Variants in AFAP1 observed in about 807,000 individuals in gnomAD.
AFAP1 encodes the protein actin filament-associated protein 1.
In AFAP1, 75 loss-of-function variants were observed where a neutral mutation model predicts 93.9. The ratio of observed to expected loss-of-function variants is 0.80; its 90% CI spans 0.66 to 0.97. The LOEUF is 0.97. AFAP1 is among the 50% of genes least tolerant of loss of function. The pLI is 0.00. For synonymous variants in AFAP1, 517 were observed against 430.7 expected (o/e 1.20, Z -2.48); for missense variants, 1,201 against 1,050.8 (o/e 1.14, Z -1.98).
At chr4:7,914,625 G>A (rs568017502) in intron 1 of AFAP1, among the ~76,000 whole-genome samples, 4 of 152,000 alleles carry the variant, frequency 2.6e-5, no homozygotes, top group South Asian at 4.2e-4. Flanking sequence ...ATGCCCCTCC[G>A]ACACTGATTT....
chr4:7,794,970 ATGT>A (rs59336192), intron 10 of AFAP1, among the ~76,000 whole-genome samples: 16,416 of 152,208 alleles, frequency 0.11, 1,361 homozygotes, highest in East Asian at 0.48. Context: ...AGTTAACTGA[ATGT>A]TGAAGAAAAA....
intron 1 of AFAP1, among the ~76,000 whole-genome samples, chr4:7,927,424 T>A (rs912166727): frequency 3.3e-5 from 5 of 152,224 alleles, no homozygotes; most frequent in Non-Finnish European, 4.4e-5. Context: ...ATAGAGCTGC[T>A]CTAAAAATTA....
At chr4:7,801,390 A>G (rs1203216648) in intron 9 of AFAP1, among the ~76,000 whole-genome samples, 1 of 151,738 alleles carries the variant, frequency 6.6e-6, no homozygotes, top group African/African-American at 2.4e-5. Flanking sequence ...TATATCACAG[A>G]TAGAGGAGTG....
At position 7,800,736 on chromosome 4, in the gene AFAP1, C is replaced by G. The variant is rs1718948500; in HGVS notation, c.1055-83G>C. 4 of 1,349,402 alleles carry G rather than the reference C, an allele frequency of 3.0e-6. No individual in the cohort carries two copies. The African/African-American group carries it at 5.8e-5, about 19-fold the overall frequency. The allele number at this position is 1,349,402 out of a possible 1,614,324, so 83.6% of individuals were successfully genotyped here. On this transcript the variant is annotated intron_variant, in intron 9 of 17. Coordinates refer to ENST00000420658, the MANE Select transcript of AFAP1 (RefSeq NM_001134647.2). ...ACGTCTAGGGTCACACTGAGGAGGC[C>G]CAGGGATGGGAGTGTGGATAAAACA...
intron 9 of AFAP1, among the ~76,000 whole-genome samples, chr4:7,800,988 G>A (rs1335379436): frequency 6.6e-6 from 1 of 152,164 alleles, no homozygotes; most frequent in South Asian, 2.1e-4. Context: ...ATCAGGTTTC[G>A]GATGGCCAGG....
At chr4:7,773,609 T>G (rs1000041405) in intron 15 of AFAP1, 8 of 152,674 alleles carry the variant, frequency 5.2e-5, no homozygotes, top group Admixed American at 4.6e-4. Context: ...AGGTTCTCTT[T>G]TTCAAAGCCA....
intron 14 of AFAP1, 72 bp from the exon 15 acceptor site, chr4:7,774,975 C>G: frequency 5.2e-6 from 8 of 1,545,786 alleles, no homozygotes; most frequent in South Asian, 3.7e-5. Flanking sequence ...GATCCCTTCT[C>G]CACAAAAAAT....
At chr4:7,894,165 C>T (rs1251270419) in intron 1 of AFAP1, among the ~76,000 whole-genome samples, 3 of 152,192 alleles carry the variant, frequency 2.0e-5, no homozygotes, top group Admixed American at 6.5e-5. Context: ...CCATCCACAG[C>T]AGGGGAGACT....
chr4:7,797,940 G>A (rs192507532), intron 10 of AFAP1, among the ~76,000 whole-genome samples: 119 of 152,084 alleles, frequency 7.8e-4, no homozygotes, highest in Non-Finnish European at 1.5e-3. Flanking sequence ...GCAAGCATGC[G>A]GAATGTTGGT....
intron 1 of AFAP1, among the ~76,000 whole-genome samples, chr4:7,918,276 G>A (rs926604136): frequency 1.3e-5 from 2 of 148,898 alleles, no homozygotes; most frequent in African/African-American, 5.0e-5. Flanking sequence ...TGAGACATTC[G>A]GCCCAGGTCA....
Position 7,935,670 on chromosome 4 carries a change from T to C in AFAP1, c.-3+3986A>G, listed in dbSNP as rs1183070036. On this transcript the variant is annotated intron_variant, in intron 1 of 17. Transcript: ENST00000420658. ...AAAGAGAAGTCGCATCAGTCCTTACTATGAAACACTCCTAGCAGCCACAGC... is the reference window on the plus strand; with the variant it reads ...AAAGAGAAGTCGCATCAGTCCTTACCATGAAACACTCCTAGCAGCCACAGC... Among the ~76,000 whole-genome samples the C allele has an allele frequency of 2.0e-5, 3 of 152,184 alleles. No individual in the cohort carries two copies. The East Asian group carries it at 5.8e-4, about 29-fold the overall frequency.
intron 1 of AFAP1, among the ~76,000 whole-genome samples, chr4:7,935,897 G>C (rs1196722762): frequency 6.6e-6 from 1 of 152,146 alleles, no homozygotes; most frequent in Non-Finnish European, 1.5e-5. Flanking sequence ...CAAGCCTGCT[G>C]TAAATGAAAA....
intron 1 of AFAP1, among the ~76,000 whole-genome samples, chr4:7,895,021 T>C (rs1289263094): frequency 6.6e-6 from 1 of 152,218 alleles, no homozygotes; most frequent in Non-Finnish European, 1.5e-5. Flanking sequence ...CATATGTCAG[T>C]GTGCTAATGG....
At chr4:7,906,463 C>A (rs147828391) in intron 1 of AFAP1, among the ~76,000 whole-genome samples, 246 of 152,272 alleles carry the variant, frequency 1.6e-3, no homozygotes, top group African/African-American at 5.5e-3. Context: ...TTTCCACCCC[C>A]CTATTCCGGA....
chr4:7,808,894 G>A (rs1166700954), intron 9 of AFAP1, among the ~76,000 whole-genome samples: 5 of 152,124 alleles, frequency 3.3e-5, no homozygotes, highest in African/African-American at 1.2e-4. Context: ...AAAGCTTCCT[G>A]AGGCCTCATC....
rs74840998 is a variant in AFAP1 at position 7,905,428 on chromosome 4, G to A, written c.-2-33348C>T. ...GAAAGGTCTAATAAAACCACAAAAGGATAATACATTCATACAACAACAAAT... is the reference window on the plus strand; with the variant it reads ...GAAAGGTCTAATAAAACCACAAAAGAATAATACATTCATACAACAACAAAT... On this transcript the variant is annotated intron_variant, in intron 1 of 17. Coordinates refer to ENST00000420658, the MANE Select transcript of AFAP1 (RefSeq NM_001134647.2). Among the ~76,000 whole-genome samples the A allele has an allele frequency of 3.1e-3, 471 of 152,298 alleles. 3 individuals carry two copies. The highest frequency in any genetic ancestry group is 4.7e-3 in the Non-Finnish European group (318 of 68,014).
rs114196247 is a variant in AFAP1 at position 7,856,877 on chromosome 4, A to G, written c.226-1303T>C. ...TGCTAGACACTTCTGCACTTGCCAC[A>G]TGAACGTCAATCAATCCATGCAGGA... On this transcript the variant is annotated intron_variant, in intron 3 of 17. Coordinates refer to ENST00000420658, the MANE Select transcript of AFAP1 (RefSeq NM_001134647.2). 5.8e-3 allele frequency among the ~76,000 whole-genome samples: 887 copies of G among 152,334 alleles called. 6 individuals carry two copies. Among genetic ancestry groups the G allele is most frequent in the African/African-American group, 0.019 (777 of 41,568 alleles).
chr4:7,899,924 G>C (rs1354491048), intron 1 of AFAP1, among the ~76,000 whole-genome samples: 3 of 148,708 alleles, frequency 2.0e-5, no homozygotes, highest in Non-Finnish European at 4.5e-5. Flanking sequence ...TGAATGAGAA[G>C]TGTATCAGTG....
chr4:7,893,306 T>C (rs984179054), intron 1 of AFAP1, among the ~76,000 whole-genome samples: 3 of 152,260 alleles, frequency 2.0e-5, no homozygotes, highest in African/African-American at 4.8e-5. Flanking sequence ...ATTGGCTGGG[T>C]GCGGTGGCTC....
Sources: gnomAD v4.1 joint callset for allele counts (sites outside exome capture counted in the v4.1 genomes callset) on GRCh38, gnomAD v4.1.1 for gene constraint, MANE v1.5 for transcripts, NCBI Gene and HGNC (gene_info 2026-07-23, HGNC 2026-07-21) for gene names.